LYRM4: variants seen among roughly 807,000 people sequenced by gnomAD.
LYRM4 encodes the protein LYR motif containing 4.
A neutral mutation model predicts 11.7 loss-of-function variants in LYRM4; 9 were observed. The ratio of observed to expected loss-of-function variants is 0.77; its 90% CI spans 0.46 to 1.34. The LOEUF (loss-of-function observed/expected upper bound fraction) is 1.34. Ranked by LOEUF, LYRM4 falls within the 40% of genes most tolerant of loss-of-function variation. The pLI, the probability that LYRM4 is intolerant of heterozygous loss-of-function variation, is 0.00. For synonymous variants in LYRM4, 42 were observed against 40.4 expected (o/e 1.04, Z -0.15); for missense variants, 133 against 112.5 (o/e 1.18, Z -0.82).
intron 2 of LYRM4, among the ~76,000 whole-genome samples, chr6:5,197,815 G>T (rs1176145572): frequency 1.3e-5 from 2 of 152,094 alleles, no homozygotes; most frequent in African/African-American, 4.8e-5. Flanking sequence ...TAGGCAAGAG[G>T]GAGGATTTGA....
the LYRM4 span, among the ~76,000 whole-genome samples, chr6:5,074,397 C>CTTTTTTTTTTTT: frequency 1.3e-5 from 1 of 76,770 alleles, no homozygotes; most frequent in Non-Finnish European, 2.4e-5. Flanking sequence ...AGCACAGGTA[C>CTTTTTTTTTTTT]TTTTTTTTTT....
At chr6:5,212,150 A>C (rs1581516132) in intron 2 of LYRM4, among the ~76,000 whole-genome samples, 1 of 152,252 alleles carries the variant, frequency 6.6e-6, no homozygotes, top group Non-Finnish European at 1.5e-5. Context: ...AGGTGCTAAC[A>C]GACAGGAAAT....
intron 1 of LYRM4, among the ~76,000 whole-genome samples, chr6:5,243,642 A>C (rs576123195): frequency 5.9e-5 from 9 of 152,356 alleles, no homozygotes; most frequent in Non-Finnish European, 1.3e-4. Context: ...CCGTGGGTTA[A>C]AGTTAATTAC....
chr6:5,109,126 C>T lies in LYRM4; in HGVS notation c.*297G>A, dbSNP rs1762762772. 1 of 1,211,602 alleles carries T rather than the reference C, an allele frequency of 8.3e-7. No homozygotes were observed. Among genetic ancestry groups the T allele is most frequent in the Admixed American group, 3.6e-5 (1 of 27,758 alleles). 75.1% of individuals were successfully genotyped at this position (1,211,602 alleles called of 1,614,324 possible). A position where few individuals can be genotyped will look rare whatever the true frequency, so the allele number is the denominator to read the frequency against. ...GACCAAGAAACAAAGTGTAGAAATG[C>T]TATACACAATGGTCATGAGCTACAA... On this transcript the variant is annotated 3_prime_UTR_variant, in exon 3 of 3. Transcript: ENST00000330636.
At chr6:5,174,823 G>C (rs773084025) in intron 2 of LYRM4, among the ~76,000 whole-genome samples, 36 of 152,092 alleles carry the variant, frequency 2.4e-4, no homozygotes, top group Non-Finnish European at 4.7e-4. Context: ...TCTAACAAAC[G>C]TCGAGAAAGG....
At chr6:5,052,716 G>T in the LYRM4 span, among the ~76,000 whole-genome samples, 1 of 152,092 alleles carries the variant, frequency 6.6e-6, no homozygotes, top group Non-Finnish European at 1.5e-5. Flanking sequence ...CACTGAAAAT[G>T]GTTATATAAT....
the LYRM4 span, among the ~76,000 whole-genome samples, chr6:5,061,595 T>C: frequency 2.0e-5 from 3 of 152,208 alleles, no homozygotes; most frequent in African/African-American, 7.2e-5. Context: ...GGCTAGGGGC[T>C]ATGGGGTTGG....
chr6:5,111,477 A>G (rs1465254571), intron 2 of LYRM4, among the ~76,000 whole-genome samples: 1 of 152,234 alleles, frequency 6.6e-6, no homozygotes, highest in Non-Finnish European at 1.5e-5. Flanking sequence ...CAAAAATGCA[A>G]TGGGCTGGCT....
chr6:5,198,220 A>G (rs1761182293), intron 2 of LYRM4, among the ~76,000 whole-genome samples: 6 of 152,104 alleles, frequency 3.9e-5, no homozygotes, highest in Admixed American at 3.9e-4. Flanking sequence ...AGAAAAGAGA[A>G]AGGGAGGGCA....
At chr6:5,064,616 T>C in the LYRM4 span, among the ~76,000 whole-genome samples, 3 of 152,214 alleles carry the variant, frequency 2.0e-5, no homozygotes, top group East Asian at 5.8e-4. Context: ...ATTGGTCAGA[T>C]TGGTCTTGAA....
At chr6:5,068,906 C>G in the LYRM4 span, among the ~76,000 whole-genome samples, 3 of 152,276 alleles carry the variant, frequency 2.0e-5, no homozygotes, top group East Asian at 5.8e-4. This position sits in a 1 kb window ranked among gnomAD's most constrained non-coding sequence, Gnocchi z 4.0. Flanking sequence ...CAAACTTCAC[C>G]ATAAGTTTGA....
In LYRM4 at chr6:5,260,898, C is replaced by T. The variant is rs1414259629; in HGVS notation, c.-165G>A. ...CCTAAGCGGGCAGCCCTGCGGATCG[C>T]GGACGGCGCCAGGCGTCCCGCGCCG... On this transcript the variant is annotated 5_prime_UTR_variant, in exon 1 of 3. Coordinates refer to ENST00000330636, the MANE Select transcript of LYRM4 (RefSeq NM_020408.6). 4 of 1,394,476 alleles carry T rather than the reference C, an allele frequency of 2.9e-6. No individual in the cohort carries two copies. In the East Asian group the frequency reaches 1.1e-4, roughly 39 times the overall value. The allele number at this position is 1,394,476 out of a possible 1,614,324, so 86.4% of individuals were successfully genotyped here.
At chr6:5,085,761 C>T in the LYRM4 span, 2 of 1,537,036 alleles carry the variant, frequency 1.3e-6, no homozygotes, top group Non-Finnish European at 1.8e-6. Flanking sequence ...CCGACCCCAT[C>T]TTGCAGGCGG....
intron 2 of LYRM4, among the ~76,000 whole-genome samples, chr6:5,178,700 G>A (rs974610583): frequency 1.3e-5 from 2 of 149,388 alleles, no homozygotes; most frequent in African/African-American, 2.5e-5. Context: ...AGCTACTCCA[G>A]AGGCTGAGGC....
the LYRM4 span, among the ~76,000 whole-genome samples, chr6:5,071,201 AAT>A: frequency 6.6e-6 from 1 of 151,964 alleles, no homozygotes; most frequent in Non-Finnish European, 1.5e-5. Context: ...AAAAAAAAAA[AAT>A]TTATAATGTA....
At chr6:5,048,569 G>A in the LYRM4 span, among the ~76,000 whole-genome samples, 1 of 152,128 alleles carries the variant, frequency 6.6e-6, no homozygotes, top group Non-Finnish European at 1.5e-5. Context: ...ACGTTGCCCA[G>A]GCTGGTCTTG....
intron 2 of LYRM4, among the ~76,000 whole-genome samples, chr6:5,122,906 T>C (rs1299451946): frequency 6.6e-6 from 1 of 152,204 alleles, no homozygotes; most frequent in Non-Finnish European, 1.5e-5. Flanking sequence ...CTGCAGTATG[T>C]TCCTCTGCTC....
chr6:5,113,253 T>C, intron 2 of LYRM4: 1 of 410,120 alleles, frequency 2.4e-6, no homozygotes, highest in Admixed American at 2.6e-5. Context: ...ACCAACACGG[T>C]GAAACCCTGT....
In LYRM4 at chr6:5,177,080, G is replaced by A. The variant is rs181648626; in HGVS notation, c.207+39538C>T. 2.1e-3 allele frequency among the ~76,000 whole-genome samples: 326 copies of A among 152,308 alleles called. 2 individuals are homozygous for A. Among genetic ancestry groups the A allele is most frequent in the African/African-American group, 6.9e-3 (286 of 41,560 alleles). ...CAAAACTTGAGAATGCCAATAGGAA[G>A]GGAAAATATGGAAAAGTGCGAATAC... On this transcript the variant is annotated intron_variant, in intron 2 of 2. Coordinates refer to ENST00000330636, the MANE Select transcript of LYRM4 (RefSeq NM_020408.6).
Sources: gnomAD v4.1 joint callset for allele counts (sites outside exome capture counted in the v4.1 genomes callset) on GRCh38, gnomAD v4.1.1 for gene constraint, Gnocchi (gnomAD v3.1) non-coding constraint, MANE v1.5 for transcripts, NCBI Gene and HGNC (gene_info 2026-07-23, HGNC 2026-07-21) for gene names.